The following ADAMTSL1 variants were observed in gnomAD, a reference collection of about 807,000 sequenced individuals.
ADAMTSL1 encodes ADAMTS-like protein 1.
In ADAMTSL1, 126 loss-of-function variants were observed where a neutral mutation model predicts 201.8. The ratio of observed to expected loss-of-function variants is 0.62; its 90% CI spans 0.54 to 0.72. ADAMTSL1 has a LOEUF of 0.72. ADAMTSL1 is among the 30% of genes least tolerant of loss of function. The pLI, the probability that ADAMTSL1 is intolerant of heterozygous loss-of-function variation, is 0.00. For synonymous variants in ADAMTSL1, 1,121 were observed against 903.4 expected (o/e 1.24, Z -4.32); for missense variants, 2,679 against 2,277.8 (o/e 1.18, Z -3.59).
At position 18,776,798 on chromosome 9, in the gene ADAMTSL1, A is replaced by G. The variant is rs775954237; in HGVS notation, c.2569A>G (p.Thr857Ala). The change falls in exon 19 of 29, where the codon ACG becomes GCG. Residue 857 changes from threonine (T) to alanine (A), a missense_variant. Coordinates refer to ENST00000380548, the MANE Select transcript of ADAMTSL1 (RefSeq NM_001040272.6). ...ATCARPGRPS[T>A]KHSPHIAAAR... ...CCTTCCAGGGCCCGGGCGGCCATCC[A>G]CGAAGCACAGCCCGCACATCGCGGC... 7.1e-6 allele frequency: 11 copies of G among 1,554,694 alleles called. No homozygotes were observed. The Admixed American group carries it at 1.4e-4, about 19-fold the overall frequency.
intron 15 of ADAMTSL1, among the ~76,000 whole-genome samples, chr9:18,739,447 C>G (rs1818697066): frequency 6.6e-6 from 1 of 152,108 alleles, no homozygotes; most frequent in Non-Finnish European, 1.5e-5. Context: ...GATAAAAGTC[C>G]TAGCAATAAA....
At position 18,330,067 on chromosome 9, in the gene ADAMTSL1, T is replaced by A. The variant is rs1044675660; in HGVS notation, c.207+166086T>A. Reference sequence around the variant, plus strand: ...CTTTTTCACATGATGAAATGAGACTTAATGTCAATAAAGTTCCCGATTTTA... The same window carrying A: ...CTTTTTCACATGATGAAATGAGACTAAATGTCAATAAAGTTCCCGATTTTA... On this transcript the variant is annotated intron_variant, in intron 2 of 29. Coordinates refer to the ADAMTSL1 transcript ENST00000680146. Among the ~76,000 whole-genome samples the A allele has an allele frequency of 2.6e-5, 4 of 152,316 alleles. No homozygotes were observed. In the East Asian group the frequency reaches 7.7e-4, roughly 29 times the overall value.
At chr9:18,456,500 A>G (rs960089243) in intron 2 of ADAMTSL1, among the ~76,000 whole-genome samples, 5 of 152,240 alleles carry the variant, frequency 3.3e-5, no homozygotes, top group African/African-American at 1.2e-4. Flanking sequence ...TTATGGGAAC[A>G]TAACACCAGG....
intron 2 of ADAMTSL1, among the ~76,000 whole-genome samples, chr9:18,258,057 C>T (rs1831759981): frequency 6.6e-6 from 1 of 152,080 alleles, no homozygotes; most frequent in Admixed American, 6.5e-5. Context: ...AGCTGCACAA[C>T]AATGTGAATG....
chr9:18,698,070 C>A (rs1198042083), intron 13 of ADAMTSL1, among the ~76,000 whole-genome samples: 1 of 152,102 alleles, frequency 6.6e-6, no homozygotes, highest in Non-Finnish European at 1.5e-5. Context: ...ATTTATAAAG[C>A]ACTTAGAGTA....
intron 1 of ADAMTSL1, among the ~76,000 whole-genome samples, chr9:18,045,247 T>C (rs1470071686): frequency 1.3e-5 from 2 of 152,202 alleles, no homozygotes; most frequent in African/African-American, 4.8e-5. Context: ...CAACTGAGTA[T>C]ATGTAGTTTG....
intron 1 of ADAMTSL1, among the ~76,000 whole-genome samples, chr9:17,968,456 C>T (rs1818068190): frequency 6.6e-6 from 1 of 152,120 alleles, no homozygotes; most frequent in Non-Finnish European, 1.5e-5. Context: ...CAGATGCTGT[C>T]TCCTTGGCAA....
chr9:18,707,615 G>T (rs1832304393), intron 14 of ADAMTSL1, among the ~76,000 whole-genome samples: 1 of 152,232 alleles, frequency 6.6e-6, no homozygotes, highest in African/African-American at 2.4e-5. Context: ...AAGAAACAAA[G>T]TGATTTGTTC....
chr9:18,188,549 A>G (rs1396324300), intron 2 of ADAMTSL1, among the ~76,000 whole-genome samples: 1 of 152,266 alleles, frequency 6.6e-6, no homozygotes, highest in East Asian at 1.9e-4. Flanking sequence ...AATCACTGGA[A>G]GACAACTCTT....
chr9:18,090,953 T>C (rs1823986236), intron 1 of ADAMTSL1, among the ~76,000 whole-genome samples: 1 of 152,152 alleles, frequency 6.6e-6, no homozygotes, highest in Admixed American at 6.6e-5. Context: ...ACTGTTCATG[T>C]AGCTTCTCTC....
At chr9:18,540,756 G>T (rs915848126) in intron 3 of ADAMTSL1, among the ~76,000 whole-genome samples, 5 of 152,128 alleles carry the variant, frequency 3.3e-5, no homozygotes, top group Middle Eastern at 3.2e-3. Flanking sequence ...GCCAGTCTCA[G>T]GTGAAATATA....
chr9:18,347,487 AG>A (rs1483047546), intron 2 of ADAMTSL1, among the ~76,000 whole-genome samples: 2 of 152,194 alleles, frequency 1.3e-5, no homozygotes, highest in Admixed American at 1.3e-4. Flanking sequence ...TATAAATAAA[AG>A]TACATATACA....
intron 2 of ADAMTSL1, among the ~76,000 whole-genome samples, chr9:18,315,226 C>T (rs976884035): frequency 3.9e-5 from 6 of 152,146 alleles, no homozygotes; most frequent in Non-Finnish European, 8.8e-5. Flanking sequence ...GAGCTAGACA[C>T]GAAGTGCTGA....
intron 2 of ADAMTSL1, among the ~76,000 whole-genome samples, chr9:18,233,477 T>A (rs1168589939): frequency 1.3e-5 from 2 of 152,094 alleles, no homozygotes; most frequent in African/African-American, 4.8e-5. Context: ...AAAAGATAGC[T>A]TACTGACTCA....
At chr9:18,719,059 A>G (rs971466021) in intron 14 of ADAMTSL1, among the ~76,000 whole-genome samples, 20 of 152,206 alleles carry the variant, frequency 1.3e-4, no homozygotes, top group African/African-American at 4.6e-4. Context: ...AGTGGGAAGT[A>G]TCAGTGATTA....
intron 15 of ADAMTSL1, among the ~76,000 whole-genome samples, chr9:18,749,336 A>T (rs1319746103): frequency 2.0e-5 from 3 of 152,130 alleles, no homozygotes; most frequent in African/African-American, 7.2e-5. Context: ...TATTAATGGG[A>T]CCATACAGTA....
chr9:18,657,647 C>A lies in ADAMTSL1; in HGVS notation c.843C>A (p.Asn281Lys), dbSNP rs1428113550. 6.2e-7 allele frequency: 1 copy of A among 1,613,910 alleles called. No individual in the cohort carries two copies. Among genetic ancestry groups the A allele is most frequent in the Non-Finnish European group, 8.5e-7 (1 of 1,179,872 alleles). ...CCTGTTGACTCCTGCAGATTCGTAACTCGGGCTCCGCTGACAGTACAGTCC... is the reference window on the plus strand; with the variant it reads ...CCTGTTGACTCCTGCAGATTCGTAAATCGGGCTCCGCTGACAGTACAGTCC... The part of the protein sequence containing the change: ...LTADFIVKIR[N>K]SGSADSTVQF... Residue 281 changes from asparagine to lysine, a missense_variant, in exon 8 of 29, where the codon AAC becomes AAA. Coordinates refer to ENST00000380548, the MANE Select transcript of ADAMTSL1 (RefSeq NM_001040272.6).
chr9:18,521,799 A>T (rs1467271950), intron 2 of ADAMTSL1, among the ~76,000 whole-genome samples: 1 of 152,260 alleles, frequency 6.6e-6, no homozygotes, highest in Admixed American at 6.5e-5. Context: ...GTAGAACATG[A>T]TAGAATGACA....
rs755107972 is a variant in ADAMTSL1, at chr9:18,826,510, G to T, written c.4114+47G>T. 1.3e-5 allele frequency: 21 copies of T among 1,572,734 alleles called. No homozygotes were observed. The East Asian group carries it at 4.9e-4, about 37-fold the overall frequency. ...GCCTCTGCTGCACCCTGTTGGGAGT[G>T]ACTATCTAACCCACCCTCTACCTCC... On this transcript the variant is annotated intron_variant, in intron 22 of 28. Transcript: ENST00000380548.
Sources: gnomAD v4.1 joint callset for allele counts (sites outside exome capture counted in the v4.1 genomes callset) on GRCh38, gnomAD v4.1.1 for gene constraint, MANE v1.5 for transcripts, NCBI Gene and HGNC (gene_info 2026-07-23, HGNC 2026-07-21) for gene names.